Variants in TOP2B observed in about 807,000 individuals in gnomAD.
TOP2B encodes the protein DNA topoisomerase II beta, also known as DNA topoisomerase 2-beta.
In TOP2B, 51 loss-of-function variants were observed where a neutral mutation model predicts 193.5. The ratio of observed to expected loss-of-function variants is 0.26; its 90% CI spans 0.21 to 0.33. The LOEUF (loss-of-function observed/expected upper bound fraction) is 0.33, where lower values mean the gene tolerates loss of function less well. Among genes scored for constraint, TOP2B ranks in the 10% least tolerant of loss-of-function variants. The pLI is 1.00. For synonymous variants in TOP2B, 634 were observed against 635.7 expected, an observed-to-expected ratio of 1.00 and a Z score of 0.04; for missense variants, 1,378 against 1,909.3, an observed-to-expected ratio of 0.72 and a Z score of 5.19.
chr3:25,631,810 T>G (rs560306981), intron 10 of TOP2B, among the ~76,000 whole-genome samples: 1 of 152,176 alleles, frequency 6.6e-6, no homozygotes, highest in South Asian at 2.1e-4. Flanking sequence ...CTACAGGCCT[T>G]AAGTTAGAAC....
chr3:25,609,610 T>C lies in TOP2B; in HGVS notation c.3889A>G (p.Ile1297Val), dbSNP rs745498342. 2.5e-6 allele frequency: 4 copies of C among 1,598,318 alleles called. No homozygotes were observed. The South Asian group carries it at 4.6e-5, about 18-fold the overall frequency. ...GEEALTPSVP[I>V]NKGPKPKREK... ...CTCTTAGGTTTGGGACCTTTATTTATAGGAACTGATGGAGTCAATGCCTCT... is the reference window on the plus strand; with the variant it reads ...CTCTTAGGTTTGGGACCTTTATTTACAGGAACTGATGGAGTCAATGCCTCT... Residue 1297 changes from isoleucine to valine, a missense_variant, in exon 29 of 36, where the codon ATA (isoleucine) becomes GTA (valine). Around this residue, in one of 9 missense-constraint regions of TOP2B, gnomAD observed 556 missense variants for 584.2 expected, o/e 0.95. Coordinates refer to ENST00000264331, the MANE Select transcript of TOP2B (RefSeq NM_001330700.2).
intron 13 of TOP2B, 122 bp downstream of exon 13, chr3:25,629,907 T>A (rs1702910346): frequency 9.4e-7 from 1 of 1,069,482 alleles, no homozygotes; most frequent in Non-Finnish European, 1.3e-6. Context: ...TTTTCATTTT[T>A]TCCTCCTGAT....
chr3:25,620,685 T>G lies in TOP2B; in HGVS notation c.2859A>C (p.Thr953=). Residue 953 remains threonine (T), a synonymous_variant, in exon 22 of 36, where the codon ACA becomes ACC. Transcript: ENST00000264331. The part of the protein sequence containing the change: ...EITELPVRTW[T]QVYKEQVLEP... ...CAGATCACATATTTACACTGACCTGTGTCCAAGTTCTAACTGGAAGCTCTG... is the reference window on the plus strand; with the variant it reads ...CAGATCACATATTTACACTGACCTGGGTCCAAGTTCTAACTGGAAGCTCTG... 6.2e-7 allele frequency: 1 copy of G among 1,612,092 alleles called. No homozygotes were observed. Among genetic ancestry groups the G allele is most frequent in the Non-Finnish European group, 8.5e-7 (1 of 1,178,948 alleles).
intron 13 of TOP2B, among the ~76,000 whole-genome samples, chr3:25,629,828 T>C (rs1365574933): frequency 6.6e-6 from 1 of 152,184 alleles, no homozygotes; most frequent in Non-Finnish European, 1.5e-5. Context: ...TATATTCTCC[T>C]TAGTTACCCC....
intron 7 of TOP2B, among the ~76,000 whole-genome samples, chr3:25,634,350 G>A (rs114226245): frequency 0.012 from 1,793 of 152,182 alleles, 13 homozygotes; most frequent in Non-Finnish European, 0.016. Context: ...TTCCATCCTT[G>A]TAAGAAAACG....
intron 1 of TOP2B, among the ~76,000 whole-genome samples, chr3:25,646,295 A>T (rs1703413868): frequency 6.6e-6 from 1 of 152,242 alleles, no homozygotes. Context: ...AATGGCTTAT[A>T]AAATCCTCAA....
At chr3:25,646,553 TC>T (rs1703420492) in intron 1 of TOP2B, among the ~76,000 whole-genome samples, 1 of 152,132 alleles carries the variant, frequency 6.6e-6, no homozygotes, top group South Asian at 2.1e-4. Context: ...AAATATGACA[TC>T]CCACTAAAAA....
chr3:25,614,092 T>C (rs931444986), intron 27 of TOP2B, among the ~76,000 whole-genome samples: 4 of 152,166 alleles, frequency 2.6e-5, no homozygotes, highest in African/African-American at 9.6e-5. Context: ...TAAAAATAAA[T>C]ACATCCAGAA....
At chr3:25,622,360 G>A (rs551541413) in intron 21 of TOP2B, among the ~76,000 whole-genome samples, 1 of 152,160 alleles carries the variant, frequency 6.6e-6, no homozygotes, top group South Asian at 2.1e-4. Context: ...CAGAATATAT[G>A]TCTTATTGCT....
At chr3:25,615,152 C>G (rs1170380185) in intron 27 of TOP2B, 53 bp downstream of exon 27, 1 of 1,485,430 alleles carries the variant, frequency 6.7e-7, no homozygotes, top group Non-Finnish European at 9.2e-7. Flanking sequence ...GAATTTCATT[C>G]TTGTTCATAA....
chr3:25,619,977 G>A lies in TOP2B; in HGVS notation c.2948C>T (p.Thr983Ile). The change falls in exon 23 of 36, where the codon ACT becomes ATT. Residue 983 changes from threonine (T) to isoleucine (I), a missense_variant. By Grantham distance (89) the Thr-to-Ile change is moderately conservative. Coordinates refer to ENST00000264331, the MANE Select transcript of TOP2B (RefSeq NM_001330700.2). ...CACCACAAATTTCACAGTTGTGTCA[G>A]TATGATATTCTTTATAATCAGAAAT... The part of the protein sequence containing the change: ...ALISDYKEYH[T>I]DTTVKFVVKM... 1 of 1,609,490 alleles carries A rather than the reference G, an allele frequency of 6.2e-7. No individual in the cohort carries two copies. Among genetic ancestry groups the A allele is most frequent in the Non-Finnish European group, 8.5e-7 (1 of 1,176,848 alleles).
intron 15 of TOP2B, 130 bp from the exon 16 acceptor site, chr3:25,627,426 T>TTTTTTTTTTTTTTTTTTTTTTG: frequency 2.0e-6 from 1 of 505,248 alleles, no homozygotes; most frequent in Non-Finnish European, 3.5e-6. Context: ...TGATCAATCT[T>TTTTTTTTTTTTTTTTTTTTTTG]AATAAGCAAC....
At chr3:25,629,853 G>GT (rs1206702351) in intron 13 of TOP2B, among the ~76,000 whole-genome samples, 176 bp downstream of exon 13, 1 of 152,126 alleles carries the variant, frequency 6.6e-6, no homozygotes, top group Non-Finnish European at 1.5e-5. Context: ...ATCAGACAAT[G>GT]TAAAATGTGC....
chr3:25,612,286 C>G (rs1292682916), intron 28 of TOP2B, among the ~76,000 whole-genome samples: 1 of 152,136 alleles, frequency 6.6e-6, no homozygotes, highest in East Asian at 1.9e-4. Context: ...TGGAGTGTTT[C>G]TATTTCTCAT....
At chr3:25,650,446 G>A (rs777022570) in intron 1 of TOP2B, among the ~76,000 whole-genome samples, 66 of 152,132 alleles carry the variant, frequency 4.3e-4, no homozygotes, top group Non-Finnish European at 1.6e-4. Context: ...GATTATGCTG[G>A]TAAAGCCCTG....
intron 20 of TOP2B, 105 bp from the exon 21 acceptor site, chr3:25,623,851 A>G (rs560264702): frequency 8.1e-5 from 59 of 728,494 alleles, no homozygotes; most frequent in Non-Finnish European, 1.2e-4. Context: ...TCTTTTGAAG[A>G]GAATGCATTT....
intron 1 of TOP2B, among the ~76,000 whole-genome samples, chr3:25,645,811 G>A (rs996971836): frequency 1.3e-5 from 2 of 152,132 alleles, no homozygotes; most frequent in Non-Finnish European, 2.9e-5. Context: ...CCAGGCTAGA[G>A]TGCAATGGTG....
intron 7 of TOP2B, among the ~76,000 whole-genome samples, chr3:25,635,571 T>A (rs1703083698): frequency 2.0e-5 from 3 of 152,120 alleles, no homozygotes; most frequent in Admixed American, 6.6e-5. Flanking sequence ...GCATGAGGAA[T>A]GTCTTTGACA....
rs141481516 is a variant in TOP2B, at chr3:25,602,139, T to C, written c.4490-914A>G. On this transcript the variant is annotated intron_variant, in intron 33 of 35. Transcript: ENST00000264331. Reference sequence around the variant, plus strand: ...GGCCAGTTGCAGTGGCTTACACCTGTAATCCCAGAACTTTGGGAGGCCAAG... The same window carrying C: ...GGCCAGTTGCAGTGGCTTACACCTGCAATCCCAGAACTTTGGGAGGCCAAG... Among the ~76,000 whole-genome samples the C allele has an allele frequency of 7.2e-5, 11 of 152,288 alleles. No individual in the cohort carries two copies. In the East Asian group the frequency reaches 1.2e-3, roughly 16 times the overall value.
Sources: allele counts gnomAD v4.1 joint callset (sites outside exome capture counted in the v4.1 genomes callset), GRCh38; gene constraint gnomAD v4.1.1; regional missense constraint gnomAD v4.1.1; transcripts MANE v1.5; gene names NCBI Gene and HGNC (gene_info 2026-07-23, HGNC 2026-07-21).